AP3M1: variants seen among roughly 807,000 people sequenced by gnomAD.
The protein encoded by AP3M1 is AP-3 complex subunit mu-1.
Under a neutral mutation model 42.6 loss-of-function variants are expected in AP3M1, and 29 were observed. The ratio of observed to expected loss-of-function variants is 0.68; its 90% CI spans 0.51 to 0.93. AP3M1 has a LOEUF of 0.93. Ranked by LOEUF, AP3M1 falls within the 40% of genes least tolerant of loss-of-function variation. The pLI, the probability that AP3M1 is intolerant of heterozygous loss-of-function variation, is 0.00. For synonymous variants in AP3M1, 178 were observed against 175.3 expected, an observed-to-expected ratio of 1.02 and a Z score of -0.12; for missense variants, 416 against 510.2, an observed-to-expected ratio of 0.82 and a Z score of 1.78.
At position 74,121,471 on chromosome 10, in the gene AP3M1, C is replaced by G. The variant is rs1483682102; in HGVS notation, c.*2339G>C. 6.6e-6 allele frequency: 1 copy of G among 152,232 alleles called. No individual in the cohort carries two copies. Among genetic ancestry groups the G allele is most frequent in the Non-Finnish European group, 1.5e-5 (1 of 68,034 alleles). 9.4% of individuals were successfully genotyped at this position (152,232 alleles called of 1,614,324 possible). A position where few individuals can be genotyped will look rare whatever the true frequency, so the allele number is the denominator to read the frequency against. On this transcript the variant is annotated 3_prime_UTR_variant, in exon 9 of 9. Coordinates refer to ENST00000355264, the MANE Select transcript of AP3M1 (RefSeq NM_012095.6). ...AACTCTGTGCTTGAAAAATATTTTA[C>G]TACTACTAAGTATTCAGAAATCTTT...
At chr10:74,130,048 G>C in intron 4 of AP3M1, 56 bp from the exon 5 acceptor site, 1 of 1,078,160 alleles carries the variant, frequency 9.3e-7, no homozygotes, top group Non-Finnish European at 1.4e-6. Context: ...GTCTTCACTA[G>C]ACCTATCACT....
At chr10:74,135,494 C>A (rs1389980387) in intron 3 of AP3M1, among the ~76,000 whole-genome samples, 1 of 152,062 alleles carries the variant, frequency 6.6e-6, no homozygotes, top group African/African-American at 2.4e-5. Flanking sequence ...TTTTCTCTGA[C>A]TATAAAATAC....
chr10:74,136,847 G>A (rs1840964264), intron 2 of AP3M1, 44 bp from the exon 3 acceptor site: 5 of 1,313,520 alleles, frequency 3.8e-6, no homozygotes, highest in Non-Finnish European at 5.1e-6. Context: ...AAGGCAAAAA[G>A]AAAGGCCTGC....
At chr10:74,141,839 A>C (rs1342328176) in intron 1 of AP3M1, among the ~76,000 whole-genome samples, 1 of 146,114 alleles carries the variant, frequency 6.8e-6, no homozygotes, top group African/African-American at 2.5e-5. Context: ...CAGCCTCCCT[A>C]GTAGCTGGGA....
At chr10:74,136,520 T>G in intron 3 of AP3M1, 112 bp downstream of exon 3, 2 of 843,492 alleles carry the variant, frequency 2.4e-6, no homozygotes, top group Non-Finnish European at 3.3e-6. Flanking sequence ...ACCAGTAACT[T>G]TAATTATGGC....
rs1840864862 is a variant in AP3M1 at position 74,133,975 on chromosome 10, CTG to C, written c.583+50_583+51del. 2.5e-6 allele frequency: 4 copies of C among 1,602,006 alleles called. No individual in the cohort carries two copies. The Admixed American group carries it at 6.7e-5, about 27-fold the overall frequency. On this transcript the variant is annotated intron_variant, in intron 4 of 8. Coordinates refer to ENST00000355264, the MANE Select transcript of AP3M1 (RefSeq NM_012095.6). ...GCCAGGACTTCAGTTTTCTATTCAT[CTG>C]TGTCAGATGAATTGTTTTTCCCCAA...
At chr10:74,128,805 T>C (rs1312810715) in intron 6 of AP3M1, 1 of 226,678 alleles carries the variant, frequency 4.4e-6, no homozygotes, top group Non-Finnish European at 8.6e-6. Flanking sequence ...GTGCCATAAT[T>C]TGACCATGCA....
chr10:74,134,127 C>A lies in AP3M1; in HGVS notation c.483G>T (p.Gln161His), dbSNP rs1299282267. The A allele has an allele frequency of 1.2e-6, 2 of 1,614,016 alleles. No individual in the cohort carries two copies. The highest frequency in any genetic ancestry group is 1.7e-5 in the Admixed American group (1 of 60,002). The change falls in exon 4 of 9, where the codon CAG (glutamine) becomes CAT (histidine). Residue 161 changes from glutamine (Q) to histidine (H), a missense_variant. Gln to His is a conservative substitution (Grantham distance 24, BLOSUM62 0). Coordinates refer to ENST00000355264, the MANE Select transcript of AP3M1 (RefSeq NM_012095.6). ...SNVGDTLPTG[Q>H]LSNIPWRRAG... ...CCCGACGCCATGGTATGTTGGACAG[C>A]TGCCCGGTGGGGAGTGTGTCCCCAA...
In AP3M1 at chr10:74,122,955, A is replaced by C. The variant is rs890688354; in HGVS notation, c.*855T>G. ...CATGAAGATGGCAAAGGTTTCACTTAAGTTTTTCTTTTACTACTTTAATTT... is the reference window on the plus strand; with the variant it reads ...CATGAAGATGGCAAAGGTTTCACTTCAGTTTTTCTTTTACTACTTTAATTT... On this transcript the variant is annotated 3_prime_UTR_variant, in exon 9 of 9. Transcript: ENST00000355264. 10 of 152,566 alleles carry C rather than the reference A, an allele frequency of 6.6e-5. No homozygotes were observed. The highest frequency in any genetic ancestry group is 2.2e-4 in the African/African-American group (9 of 41,464). 9.5% of individuals were successfully genotyped at this position (152,566 alleles called of 1,614,324 possible). A position where few individuals can be genotyped will look rare whatever the true frequency, so the allele number is the denominator to read the frequency against.
chr10:74,121,290 G>A lies in AP3M1; in HGVS notation c.*2520C>T, dbSNP rs770459903. On this transcript the variant is annotated 3_prime_UTR_variant, in exon 9 of 9. Transcript: ENST00000355264. Reference sequence around the variant, plus strand: ...AGGACAAGATCAGCATTTTCCTAGGGTCCTTCTGTAGCACCACTTAAGGAA... The same window carrying A: ...AGGACAAGATCAGCATTTTCCTAGGATCCTTCTGTAGCACCACTTAAGGAA... The A allele has an allele frequency of 2.6e-5, 4 of 152,108 alleles. No homozygotes were observed. The highest frequency in any genetic ancestry group is 2.9e-5 in the Non-Finnish European group (2 of 68,032). 9.4% of individuals were successfully genotyped at this position (152,108 alleles called of 1,614,324 possible). A position where few individuals can be genotyped will look rare whatever the true frequency, so the allele number is the denominator to read the frequency against.
intron 7 of AP3M1, 31 bp downstream of exon 7, chr10:74,126,117 C>G: frequency 6.2e-7 from 1 of 1,608,188 alleles, no homozygotes; most frequent in East Asian, 2.2e-5. Context: ...TGCAGAAACA[C>G]TTGCTCACTC....
Position 74,132,687 on chromosome 10 carries a change from A to G in AP3M1, c.583+1340T>C, listed in dbSNP as rs140708750. ...GGACTGCGCCAATGCACTCCAGCCT[A>G]GGCAAAAGAGCAAGACCCTGTACTT... On this transcript the variant is annotated intron_variant, in intron 4 of 8. Coordinates refer to ENST00000355264, the MANE Select transcript of AP3M1 (RefSeq NM_012095.6). Among the ~76,000 whole-genome samples, 789 of 151,236 alleles carry G rather than the reference A, an allele frequency of 5.2e-3. 1 individual carries two copies. The highest frequency in any genetic ancestry group is 0.017 in the African/African-American group (698 of 41,222).
In AP3M1 at chr10:74,126,180, G is replaced by T; in HGVS notation, c.979C>A (p.Gln327Lys). 6.2e-7 allele frequency: 1 copy of T among 1,614,188 alleles called. No individual in the cohort carries two copies. The highest frequency in any genetic ancestry group is 8.5e-7 in the Non-Finnish European group (1 of 1,180,042). ...ACTGGATCAAATGTATAGCTGCCTT[G>T]TGTGGGTGTCAGGTTCATGTTCAGC... ...VVLNMNLTPT[Q>K]GSYTFDPVTK... Residue 327 changes from glutamine (Q) to lysine (K), a missense_variant, in exon 7 of 9, where the codon CAA becomes AAA. Physicochemically the swap from Gln to Lys is moderately conservative, Grantham distance 53 (BLOSUM62 1). Transcript: ENST00000355264.
At chr10:74,140,627 C>T (rs1841116591) in intron 1 of AP3M1, among the ~76,000 whole-genome samples, 2 of 150,230 alleles carry the variant, frequency 1.3e-5, no homozygotes, top group South Asian at 2.1e-4. Flanking sequence ...AAAGGAACAA[C>T]GAAGATGGAT....
At chr10:74,129,881 CTA>C in intron 5 of AP3M1, 24 bp downstream of exon 5, 1 of 1,488,920 alleles carries the variant, frequency 6.7e-7, no homozygotes, top group Non-Finnish European at 9.4e-7. Context: ...ATTCAAGGGG[CTA>C]TAAAACAGGA....
intron 7 of AP3M1, among the ~76,000 whole-genome samples, chr10:74,125,551 C>T (rs1268164975): frequency 6.6e-6 from 1 of 152,178 alleles, no homozygotes; most frequent in East Asian, 1.9e-4. Flanking sequence ...ATTCAAAAAA[C>T]ATGTCTTTTC....
chr10:74,124,885 T>C (rs1324170598), intron 7 of AP3M1, among the ~76,000 whole-genome samples: 5 of 152,186 alleles, frequency 3.3e-5, no homozygotes, highest in African/African-American at 1.2e-4. Context: ...CAAGGTCACA[T>C]AGTTAGTCAG....
At position 74,120,392 on chromosome 10, in the gene AP3M1, A is replaced by G. The variant is rs529763649; in HGVS notation, c.*3418T>C. The G allele has an allele frequency of 6.6e-6, 1 of 152,240 alleles. No homozygotes were observed. Among genetic ancestry groups the G allele is most frequent in the South Asian group, 2.1e-4 (1 of 4,836 alleles). 9.4% of individuals were successfully genotyped at this position (152,240 alleles called of 1,614,324 possible). On this transcript the variant is annotated 3_prime_UTR_variant, in exon 9 of 9. Coordinates refer to ENST00000355264, the MANE Select transcript of AP3M1 (RefSeq NM_012095.6). ...CACACTTGAAGGAATGGAAGTGGCA[A>G]AGGTTAACAGGCAGAAAGCAGCTGG...
chr10:74,138,711 G>A lies in AP3M1; in HGVS notation c.-3-329C>T, dbSNP rs551309105. On this transcript the variant is annotated intron_variant, in intron 1 of 8. Transcript: ENST00000355264. ...TTTGGGAGGCTGAGGTGGGCGGATT[G>A]CTTGAGCTCAGGAGTTTGAGACCAG... is the stretch of plus-strand genomic sequence containing the variant. 86 of 187,398 alleles carry A rather than the reference G, an allele frequency of 4.6e-4. No homozygotes were observed. In the South Asian group the frequency reaches 8.6e-3, roughly 19 times the overall value. 11.6% of individuals were successfully genotyped at this position (187,398 alleles called of 1,614,324 possible).
Sources: gnomAD v4.1 joint callset for allele counts (sites outside exome capture counted in the v4.1 genomes callset) on GRCh38, gnomAD v4.1.1 for gene constraint, MANE v1.5 for transcripts, NCBI Gene and HGNC (gene_info 2026-07-23, HGNC 2026-07-21) for gene names.